The following USF2 variants were observed in gnomAD, a reference collection of about 807,000 sequenced individuals.
USF2 encodes upstream stimulatory factor 2.
USF2 carries 16 observed loss-of-function variants against 46.9 expected under a neutral mutation model. The observed-to-expected ratio is 0.34, with a 90% confidence interval of 0.23 to 0.52. The LOEUF (loss-of-function observed/expected upper bound fraction) is 0.52. USF2 is among the 20% of genes least tolerant of loss of function. The pLI, the probability that USF2 is intolerant of heterozygous loss-of-function variation, is 0.96. For synonymous variants in USF2, 239 were observed against 194.1 expected (o/e 1.23, Z -1.92); for missense variants, 411 against 474.0 (o/e 0.87, Z 1.23).
In USF2 at chr19:35,279,402, T is replaced by C. The variant is rs1568463399; in HGVS notation, c.*146T>C. 2.3e-6 allele frequency: 2 copies of C among 882,956 alleles called. No homozygotes were observed. The highest frequency in any genetic ancestry group is 3.6e-4 in the Middle Eastern group (1 of 2,752). The allele number at this position is 882,956 out of a possible 1,614,324, so 54.7% of individuals were successfully genotyped here. A position where few individuals can be genotyped will look rare whatever the true frequency, so the allele number is the denominator to read the frequency against. ...TTTAACAAAAAACGGGGAGAAATAA[T>C]GCATTTCTGTGGATACAGTGCCCAC... is the stretch of plus-strand genomic sequence containing the variant. On this transcript the variant is annotated 3_prime_UTR_variant, in exon 10 of 10. Transcript: ENST00000222305.
chr19:35,272,372 G>A (rs1374430353), intron 7 of USF2, among the ~76,000 whole-genome samples: 2 of 152,144 alleles, frequency 1.3e-5, no homozygotes, highest in African/African-American at 2.4e-5. Flanking sequence ...CTCTTCGAGA[G>A]GTGACATTGA....
chr19:35,269,311 C>G, intron 1 of USF2, 135 bp from the exon 2 acceptor site: 1 of 868,738 alleles, frequency 1.2e-6, no homozygotes, highest in Non-Finnish European at 1.4e-6. Flanking sequence ...GCGCCTCCCG[C>G]CCCCGGCCCC....
In USF2 at chr19:35,279,374, AT is replaced by A. The variant is rs1348641945; in HGVS notation, c.*123del. The A allele has an allele frequency of 1.8e-6, 2 of 1,134,124 alleles. No individual in the cohort carries two copies. Among genetic ancestry groups the A allele is most frequent in the Non-Finnish European group, 2.4e-6 (2 of 848,650 alleles). The allele number at this position is 1,134,124 out of a possible 1,614,324, so 70.3% of individuals were successfully genotyped here. Reference sequence around the variant, plus strand: ...CCCCAGCTGCGTTTTTTTATAGTAGATTTTTAACAAAAAACGGGGAGAAATA... The same window carrying A: ...CCCCAGCTGCGTTTTTTTATAGTAGATTTTAACAAAAAACGGGGAGAAATA... On this transcript the variant is annotated 3_prime_UTR_variant, in exon 10 of 10. Coordinates refer to ENST00000222305, the MANE Select transcript of USF2 (RefSeq NM_003367.4).
At chr19:35,270,941 A>G in intron 6 of USF2, 136 bp downstream of exon 6, 2 of 1,399,716 alleles carry the variant, frequency 1.4e-6, no homozygotes, top group South Asian at 1.2e-5. Flanking sequence ...CTGCTGCTCT[A>G]GTGCACATAA....
Position 35,270,844 on chromosome 19 carries a change from TGGAA to T in USF2, c.668+45_668+48del, listed in dbSNP as rs775218371. On this transcript the variant is annotated intron_variant, in intron 6 of 9. Coordinates refer to ENST00000222305, the MANE Select transcript of USF2 (RefSeq NM_003367.4). ...ACACCTGGAGGGCCTGGTGTTGAAA[TGGAA>T]GGAAGAGGGGTTTCTGGAGTAGAAG... 6 of 1,611,496 alleles carry T rather than the reference TGGAA, an allele frequency of 3.7e-6. No individual in the cohort carries two copies. The Admixed American group carries it at 5.0e-5, about 13-fold the overall frequency.
chr19:35,273,831 C>A (rs1232480542), intron 7 of USF2, among the ~76,000 whole-genome samples: 1 of 152,244 alleles, frequency 6.6e-6, no homozygotes, highest in Non-Finnish European at 1.5e-5. Flanking sequence ...AGCTGCCACA[C>A]CCAGTCTTGC....
At position 35,278,948 on chromosome 19, in the gene USF2, T is replaced by C. The variant is rs755690580; in HGVS notation, c.825T>C (p.Ser275=). ...CNADNSKTGA[S]KGGILSKACD... ...CTCCTGGTCCCCTCGCCCCCCAGAG[T>C]AAAGGAGGGATCCTGTCCAAGGCCT... The change falls in exon 9 of 10, where the codon AGT becomes AGC. Residue 275 remains serine, a splice_region_variant and synonymous_variant. Transcript: ENST00000222305. The C allele has an allele frequency of 6.4e-7, 1 of 1,555,360 alleles. No individual in the cohort carries two copies. Among genetic ancestry groups the C allele is most frequent in the South Asian group, 1.2e-5 (1 of 81,438 alleles).
rs766772780 is a variant in USF2, at chr19:35,269,438, C to T, written c.63-8C>T. 1.6e-5 allele frequency: 25 copies of T among 1,523,810 alleles called. No homozygotes were observed. The highest frequency in any genetic ancestry group is 1.3e-4 in the South Asian group (11 of 82,370). The allele number at this position is 1,523,810 out of a possible 1,614,324, so 94.4% of individuals were successfully genotyped here. On this transcript the variant is annotated splice_polypyrimidine_tract_variant and splice_region_variant and intron_variant, in intron 1 of 9. Transcript: ENST00000222305. ...CGCTGACCCTGCTCCCTCCTGTGCC[C>T]CTGGCAGCCACGACAAGGGACCCGA... is the stretch of plus-strand genomic sequence containing the variant.
At chr19:35,278,913 T>C in intron 8 of USF2, 33 bp from the exon 9 acceptor site, 1 of 1,572,256 alleles carries the variant, frequency 6.4e-7, no homozygotes, top group Non-Finnish European at 8.6e-7. Context: ...GGGCGGTGCC[T>C]GCCCTAAGGC....
chr19:35,279,547 G>A lies in USF2; in HGVS notation c.*291G>A. 2.6e-6 allele frequency: 1 copy of A among 386,458 alleles called. No homozygotes were observed. The allele number at this position is 386,458 out of a possible 1,614,324, so 23.9% of individuals were successfully genotyped here. A position where few individuals can be genotyped will look rare whatever the true frequency, so the allele number is the denominator to read the frequency against. ...TCTCACCTGGAGGCAAGAGGGAGGGGACAGAGGCCCTGCCACGTCCCGCTG... is the reference window on the plus strand; with the variant it reads ...TCTCACCTGGAGGCAAGAGGGAGGGAACAGAGGCCCTGCCACGTCCCGCTG... On this transcript the variant is annotated 3_prime_UTR_variant, in exon 10 of 10. Coordinates refer to ENST00000222305, the MANE Select transcript of USF2 (RefSeq NM_003367.4).
At chr19:35,272,215 A>G (rs2066167201) in intron 7 of USF2, among the ~76,000 whole-genome samples, 1 of 152,162 alleles carries the variant, frequency 6.6e-6, no homozygotes, top group East Asian at 1.9e-4. Flanking sequence ...GATAGGACAG[A>G]CAAGGTCTCA....
intron 7 of USF2, among the ~76,000 whole-genome samples, chr19:35,272,480 C>T (rs1477977266): frequency 6.6e-6 from 1 of 152,036 alleles, no homozygotes; most frequent in Non-Finnish European, 1.5e-5. Context: ...AGGCCCTGAG[C>T]CAGGGCCGCC....
rs747530101 is a variant in USF2, at chr19:35,279,231, T to C, written c.1016T>C (p.Met339Thr). 2 of 1,566,458 alleles carry C rather than the reference T, an allele frequency of 1.3e-6. No homozygotes were observed. The highest frequency in any genetic ancestry group is 2.3e-5 in the South Asian group (2 of 85,436). Reference protein sequence around the residue: ...RAQLQQHNLEMVGEGTRQ With the variant: ...RAQLQQHNLETVGEGTRQ ...CAGCTGCAGCAGCACAACCTGGAGATGGTGGGCGAGGGCACCCGGCAGTGA... is the reference window on the plus strand; with the variant it reads ...CAGCTGCAGCAGCACAACCTGGAGACGGTGGGCGAGGGCACCCGGCAGTGA... The change falls in exon 10 of 10, where the codon ATG becomes ACG. Residue 339 changes from methionine (M) to threonine (T), a missense_variant. This residue lies in a region of USF2 where 93 missense variants were observed against 151.6 expected (regional missense o/e 0.61). Transcript: ENST00000222305.
rs143493173 is a variant in USF2, at chr19:35,271,478, G to A, written c.727+337G>A. 3.5e-3 allele frequency among the ~76,000 whole-genome samples: 537 copies of A among 152,264 alleles called. 16 individuals carry two copies. The East Asian group carries it at 0.053, about 15-fold the overall frequency. On this transcript the variant is annotated intron_variant, in intron 7 of 9. Transcript: ENST00000222305. ...GGGGCTGACCGGGCTCACGTGGGCT[G>A]ACCTTTCCACGTGGCAGCTGTCATG...
At position 35,278,637 on chromosome 19, in the gene USF2, A is replaced by C; in HGVS notation, c.728-61A>C. 5 of 1,560,846 alleles carry C rather than the reference A, an allele frequency of 3.2e-6. 1 individual carries two copies. The South Asian group carries it at 5.6e-5, about 17-fold the overall frequency. The stretch of plus-strand genomic sequence containing the variant: ...CCTTGGGCTGAGCCTCTGCCCTGTG[A>C]GGACGGCCGCTCAGGCATGATCCGT... On this transcript the variant is annotated intron_variant, in intron 7 of 9. Transcript: ENST00000222305.
chr19:35,279,495 C>T lies in USF2; in HGVS notation c.*239C>T, dbSNP rs2066281797. The T allele has an allele frequency of 2.0e-6, 1 of 494,500 alleles. No homozygotes were observed. The allele number at this position is 494,500 out of a possible 1,614,324, so 30.6% of individuals were successfully genotyped here. A position where few individuals can be genotyped will look rare whatever the true frequency, so the allele number is the denominator to read the frequency against. On this transcript the variant is annotated 3_prime_UTR_variant, in exon 10 of 10. Transcript: ENST00000222305. ...TCTGTCTGTCGCCCTTCTCCCGGCC[C>T]TCACTAAGCCCCGGCACTTCTAGTG...
intron 4 of USF2, 35 bp from the exon 5 acceptor site, chr19:35,270,412 A>C: frequency 1.3e-6 from 2 of 1,593,948 alleles, no homozygotes; most frequent in Non-Finnish European, 1.7e-6. Context: ...GGAACAGAGA[A>C]AGCTAAGGGT....
chr19:35,270,746 G>A lies in USF2; in HGVS notation c.609G>A (p.Gln203=), dbSNP rs774263328. 3 of 1,614,152 alleles carry A rather than the reference G, an allele frequency of 1.9e-6. No homozygotes were observed. Among genetic ancestry groups the A allele is most frequent in the South Asian group, 1.1e-5 (1 of 91,084 alleles). ...GGQFYVMMTP[Q]DVLQTGTQRT... is the part of the protein sequence containing the mutation. ...AGTTCTACGTCATGATGACGCCCCA[G>A]GATGTGCTTCAGACAGGAACACAGA... The change falls in exon 6 of 10, where the codon CAG becomes CAA. Residue 203 remains glutamine (Q), a synonymous_variant. Transcript: ENST00000222305.
chr19:35,270,261 C>T, intron 4 of USF2, 186 bp from the exon 5 acceptor site: 4 of 973,828 alleles, frequency 4.1e-6, no homozygotes, highest in Admixed American at 3.0e-5. Context: ...ATTTGCTCAG[C>T]AAGTGATCGC....
Sources: allele counts gnomAD v4.1 joint callset (sites outside exome capture counted in the v4.1 genomes callset), GRCh38; gene constraint gnomAD v4.1.1; regional missense constraint gnomAD v4.1.1; transcripts MANE v1.5; gene names NCBI Gene and HGNC (gene_info 2026-07-23, HGNC 2026-07-21).